SCAPER: variants seen among roughly 807,000 people sequenced by gnomAD.
SCAPER encodes S-phase cyclin A associated protein in the ER.
A neutral mutation model predicts 182.2 loss-of-function variants in SCAPER; 98 were observed. That is an observed-to-expected ratio of 0.54 (90% CI 0.46 to 0.64). SCAPER has a LOEUF of 0.64. SCAPER is among the 30% of genes least tolerant of loss of function. SCAPER has a pLI of 0.00. For synonymous variants in SCAPER, 605 were observed against 564.6 expected, an observed-to-expected ratio of 1.07 and a Z score of -1.01; for missense variants, 1,432 against 1,690.0, an observed-to-expected ratio of 0.85 and a Z score of 2.68.
chr15:76,627,471 G>T (rs977882931), intron 21 of SCAPER, among the ~76,000 whole-genome samples: 15 of 152,082 alleles, frequency 9.9e-5, no homozygotes, highest in Non-Finnish European at 2.1e-4. Context: ...AGGCCCCATT[G>T]TGTGTTGTTC....
intron 23 of SCAPER, among the ~76,000 whole-genome samples, chr15:76,536,943 A>G (rs2044221109): frequency 6.6e-6 from 1 of 151,664 alleles, no homozygotes; most frequent in Non-Finnish European, 1.5e-5. Flanking sequence ...AGAGAGCCAA[A>G]TCATGAGTGA....
chr15:76,642,802 T>C (rs1399356915), intron 21 of SCAPER, among the ~76,000 whole-genome samples: 1 of 152,222 alleles, frequency 6.6e-6, no homozygotes, highest in Admixed American at 6.5e-5. Context: ...TTTGGACTTT[T>C]AGACTCCAGT....
At chr15:76,848,321 G>C (rs2070337499) in intron 4 of SCAPER, among the ~76,000 whole-genome samples, 1 of 118,954 alleles carries the variant, frequency 8.4e-6, no homozygotes, top group South Asian at 3.2e-4. Flanking sequence ...GTTTTTTTTG[G>C]GGTTTTTTTT....
At chr15:76,814,259 T>C (rs922688086) in intron 5 of SCAPER, among the ~76,000 whole-genome samples, 2 of 151,980 alleles carry the variant, frequency 1.3e-5, no homozygotes, top group African/African-American at 4.8e-5. Flanking sequence ...GAAAAAACAA[T>C]GCTAAAATTT....
chr15:76,661,413 A>G (rs1460922679), intron 21 of SCAPER, among the ~76,000 whole-genome samples: 1 of 152,014 alleles, frequency 6.6e-6, no homozygotes, highest in Non-Finnish European at 1.5e-5. Flanking sequence ...TGGGAGAAAA[A>G]TTTTTCAATC....
At chr15:76,782,540 A>G (rs1292239864) in intron 8 of SCAPER, among the ~76,000 whole-genome samples, 1 of 152,194 alleles carries the variant, frequency 6.6e-6, no homozygotes, top group Non-Finnish European at 1.5e-5. Flanking sequence ...CCTAATAGAC[A>G]TCTACAGAAC....
intron 21 of SCAPER, among the ~76,000 whole-genome samples, chr15:76,630,847 T>A (rs1245872182): frequency 3.3e-5 from 5 of 152,090 alleles, no homozygotes; most frequent in African/African-American, 4.8e-5. Flanking sequence ...TCCTGAACAT[T>A]TTTATTAATT....
In SCAPER at chr15:76,354,318, T is replaced by A. The variant is rs995225345; in HGVS notation, c.3856-178A>T. The A allele has an allele frequency of 9.2e-5, 46 of 501,074 alleles. 1 individual carries two copies. The Middle Eastern group carries it at 2.5e-3, about 27-fold the overall frequency. The allele number at this position is 501,074 out of a possible 1,614,324, so 31.0% of individuals were successfully genotyped here. A position where few individuals can be genotyped will look rare whatever the true frequency, so the allele number is the denominator to read the frequency against. ...ACTTGAAAAGAGCAGAAAAAAAAAA[T>A]CTCATTTCCCAACTTAAGGAAAAGA... On this transcript the variant is annotated intron_variant, in intron 29 of 31. Coordinates refer to ENST00000563290, the MANE Select transcript of SCAPER (RefSeq NM_020843.4). This position sits in a 1 kb window ranked among gnomAD's most constrained non-coding sequence, Gnocchi z 4.4.
At chr15:76,485,761 C>T (rs1567241790) in intron 24 of SCAPER, among the ~76,000 whole-genome samples, 1 of 152,218 alleles carries the variant, frequency 6.6e-6, no homozygotes, top group East Asian at 1.9e-4. Flanking sequence ...CTTTGACACA[C>T]CTGATAAAAA....
intron 25 of SCAPER, among the ~76,000 whole-genome samples, chr15:76,459,156 T>G (rs2048963583): frequency 6.6e-6 from 1 of 152,168 alleles, no homozygotes. Context: ...CCTTCCAAAT[T>G]GCTGGGATTG....
chr15:76,730,744 A>C (rs2060876523), intron 16 of SCAPER, among the ~76,000 whole-genome samples: 1 of 152,124 alleles, frequency 6.6e-6, no homozygotes, highest in African/African-American at 2.4e-5. Context: ...TATAAGACCA[A>C]AGGCTTGAGG....
intron 22 of SCAPER, among the ~76,000 whole-genome samples, chr15:76,611,385 A>G (rs911877500): frequency 6.6e-6 from 1 of 152,220 alleles, no homozygotes; most frequent in Non-Finnish European, 1.5e-5. Flanking sequence ...AACAAGAAAG[A>G]AACGGAATCT....
intron 5 of SCAPER, among the ~76,000 whole-genome samples, chr15:76,841,299 G>T (rs749474283): frequency 6.6e-6 from 1 of 152,060 alleles, no homozygotes; most frequent in Non-Finnish European, 1.5e-5. Flanking sequence ...TTCATAAGAG[G>T]TAATTAAATG....
intron 20 of SCAPER, among the ~76,000 whole-genome samples, chr15:76,688,944 G>A: frequency 6.7e-6 from 1 of 150,374 alleles, no homozygotes; most frequent in East Asian, 1.9e-4. Context: ...CACCTCCTGG[G>A]TTCACGCCAT....
Position 76,495,989 on chromosome 15 carries a change from G to GACACAC in SCAPER, c.2954+8869_2954+8870insGTGTGT, listed in dbSNP as rs1189380440. The stretch of plus-strand genomic sequence containing the variant: ...GGAGAAAGAGAAAGAAAGCAAAAGA[G>GACACAC]AGAGACACACACACACACACACACA... On this transcript the variant is annotated intron_variant, in intron 24 of 31. Transcript: ENST00000563290. 3.8e-3 allele frequency among the ~76,000 whole-genome samples: 406 copies of GACACAC among 105,566 alleles called. 9 individuals carry two copies. The highest frequency in any genetic ancestry group is 0.013 in the East Asian group (56 of 4,208). The allele number at this position is 105,566 out of a possible 152,430, so 69.3% of individuals were successfully genotyped here.
intron 1 of SCAPER, among the ~76,000 whole-genome samples, chr15:76,900,375 AATAC>A (rs1048017299): frequency 6.6e-6 from 1 of 151,226 alleles, no homozygotes; most frequent in South Asian, 2.1e-4. Flanking sequence ...AAAATAAATA[AATAC>A]ATACATACAT....
chr15:76,546,409 C>T (rs887075580), intron 23 of SCAPER, among the ~76,000 whole-genome samples: 2 of 152,052 alleles, frequency 1.3e-5, no homozygotes, highest in African/African-American at 2.4e-5. Flanking sequence ...AGGCTGGTCT[C>T]GAACTCCTAG....
intron 2 of SCAPER, among the ~76,000 whole-genome samples, chr15:76,881,237 A>G (rs947428845): frequency 4.6e-5 from 7 of 152,212 alleles, no homozygotes; most frequent in African/African-American, 1.2e-4. Context: ...CTGGGACTAA[A>G]GGTGCATATC....
intron 26 of SCAPER, among the ~76,000 whole-genome samples, chr15:76,417,966 C>T (rs888138608): frequency 2.0e-5 from 3 of 151,890 alleles, no homozygotes; most frequent in African/African-American, 7.3e-5. Flanking sequence ...TTCAGCGAGC[C>T]GAGATCGCGC....
Sources: gnomAD v4.1 joint callset for allele counts (sites outside exome capture counted in the v4.1 genomes callset) on GRCh38, gnomAD v4.1.1 for gene constraint, Gnocchi (gnomAD v3.1) non-coding constraint, MANE v1.5 for transcripts, NCBI Gene and HGNC (gene_info 2026-07-23, HGNC 2026-07-21) for gene names.